Variants in MYBPC1 observed in about 807,000 individuals in gnomAD.
The protein encoded by MYBPC1 is myosin binding protein C1.
MYBPC1 carries 52 observed loss-of-function variants against 147.1 expected under a neutral mutation model. The ratio of observed to expected loss-of-function variants is 0.35; its 90% CI spans 0.28 to 0.45. The LOEUF is 0.45. Ranked by LOEUF, MYBPC1 falls within the 20% of genes least tolerant of loss-of-function variation. The pLI is 1.00. For missense variants in MYBPC1, 1,228 were observed against 1,440.3 expected, an observed-to-expected ratio of 0.85 and a Z score of 2.39; for synonymous variants, 477 against 475.9, an observed-to-expected ratio of 1.00 and a Z score of -0.03.
chr12:101,663,908 G>A lies in MYBPC1; in HGVS notation c.2356+348G>A, dbSNP rs112838859. 1.9e-3 allele frequency among the ~76,000 whole-genome samples: 293 copies of A among 152,296 alleles called. 5 individuals are homozygous for A. The highest frequency in any genetic ancestry group is 6.7e-3 in the African/African-American group (280 of 41,572). The stretch of plus-strand genomic sequence containing the variant: ...TAAAAGTCTAGTTATGATGAAGCCA[G>A]TTGGAAATTCTAAAACCTATAATGA... On this transcript the variant is annotated intron_variant, in intron 22 of 31. Coordinates refer to ENST00000361466, the MANE Select transcript of MYBPC1 (RefSeq NM_002465.4).
downstream of MYBPC1, among the ~76,000 whole-genome samples, chr12:101,688,486 C>T (rs920280110): frequency 3.3e-4 from 50 of 152,172 alleles, no homozygotes; most frequent in African/African-American, 1.2e-3. Context: ...TGAATGTTCT[C>T]ATCTAAATTA....
At chr12:101,664,634 G>T (rs2136516222) in intron 22 of MYBPC1, 1 of 152,352 alleles carries the variant, frequency 6.6e-6, no homozygotes, top group South Asian at 2.1e-4. Context: ...TGCCTGGATT[G>T]GGGCACCTGT....
chr12:101,624,506 G>C (rs1888103053), intron 3 of MYBPC1, among the ~76,000 whole-genome samples: 1 of 151,622 alleles, frequency 6.6e-6, no homozygotes, highest in East Asian at 1.9e-4. Flanking sequence ...TTTGTTTTTA[G>C]AGTCAGGGTC....
At chr12:101,627,994 A>G in intron 5 of MYBPC1, 190 bp downstream of exon 5, 1 of 650,066 alleles carries the variant, frequency 1.5e-6, no homozygotes, top group Non-Finnish European at 2.6e-6. Flanking sequence ...CATGATACAC[A>G]CGCATTCAAG....
At chr12:101,653,081 T>A in intron 17 of MYBPC1, 34 bp from the exon 18 acceptor site, 1 of 1,603,536 alleles carries the variant, frequency 6.2e-7, no homozygotes. Flanking sequence ...CAGAAATGAC[T>A]GTCTGATAAC....
At chr12:101,638,230 A>G (rs749572572) in intron 10 of MYBPC1, among the ~76,000 whole-genome samples, 2 of 152,216 alleles carry the variant, frequency 1.3e-5, no homozygotes, top group Non-Finnish European at 2.9e-5. Context: ...TCATTTACTC[A>G]GTCAGGAAAA....
chr12:101,631,919 A>G lies in MYBPC1; in HGVS notation c.439-102A>G, dbSNP rs567051664. ...ACACATTTGCCCTCCTATAGTGAGAACATTGTACTGGAATTCCCACAGACA... is the reference window on the plus strand; with the variant it reads ...ACACATTTGCCCTCCTATAGTGAGAGCATTGTACTGGAATTCCCACAGACA... On this transcript the variant is annotated intron_variant, in intron 7 of 31. Transcript: ENST00000361466. 1.1e-4 allele frequency: 138 copies of G among 1,307,532 alleles called. No individual in the cohort carries two copies. In the African/African-American group the frequency reaches 1.9e-3, roughly 18 times the overall value. 81.0% of individuals were successfully genotyped at this position (1,307,532 alleles called of 1,614,324 possible). A position where few individuals can be genotyped will look rare whatever the true frequency, so the allele number is the denominator to read the frequency against.
chr12:101,691,690 T>C, the MYBPC1 span, among the ~76,000 whole-genome samples: 2 of 152,342 alleles, frequency 1.3e-5, no homozygotes, highest in South Asian at 2.1e-4. Context: ...AAATGTAAGA[T>C]GTTACCATAG....
intron 10 of MYBPC1, among the ~76,000 whole-genome samples, chr12:101,639,811 A>G (rs1054332374): frequency 6.6e-6 from 1 of 151,974 alleles, no homozygotes; most frequent in Non-Finnish European, 1.5e-5. Context: ...ATCCTCCGCC[A>G]ATGTCAGGAG....
At chr12:101,625,843 T>A (rs1225980018) in intron 3 of MYBPC1, among the ~76,000 whole-genome samples, 2 of 152,042 alleles carry the variant, frequency 1.3e-5, no homozygotes, top group Non-Finnish European at 2.9e-5. Flanking sequence ...CCCAGCACTT[T>A]GGGAGGCCGA....
Position 101,651,216 on chromosome 12 carries a change from C to A in MYBPC1, c.1364-15C>A. 2 of 1,613,982 alleles carry A rather than the reference C, an allele frequency of 1.2e-6. No individual in the cohort carries two copies. The highest frequency in any genetic ancestry group is 2.2e-5 in the South Asian group (2 of 91,048). On this transcript the variant is annotated splice_polypyrimidine_tract_variant and intron_variant, in intron 15 of 31. Transcript: ENST00000361466. Reference sequence around the variant, plus strand: ...GTTTGGGCTTGGCATTTGTGATGGTCTATCATTTCTACAGTGAAACCTCTG... The same window carrying A: ...GTTTGGGCTTGGCATTTGTGATGGTATATCATTTCTACAGTGAAACCTCTG...
chr12:101,631,147 TAA>T (rs1219965293), intron 6 of MYBPC1, among the ~76,000 whole-genome samples: 1 of 152,140 alleles, frequency 6.6e-6, no homozygotes, highest in Non-Finnish European at 1.5e-5. Flanking sequence ...CCTTGCCTAA[TAA>T]AAAGAGTGAA....
intron 3 of MYBPC1, among the ~76,000 whole-genome samples, chr12:101,621,579 T>A (rs1887401792): frequency 6.6e-6 from 1 of 152,224 alleles, no homozygotes; most frequent in Admixed American, 6.5e-5. Flanking sequence ...TTTGTCTCAG[T>A]CAAACAAGGT....
intron 1 of MYBPC1, among the ~76,000 whole-genome samples, chr12:101,599,647 T>A (rs1879011800): frequency 6.6e-6 from 1 of 152,134 alleles, no homozygotes; most frequent in South Asian, 2.1e-4. Flanking sequence ...TACCTCAAAT[T>A]GGGGAAAGGT....
At chr12:101,642,397 G>C (rs750250541) in intron 10 of MYBPC1, 22 bp from the exon 11 acceptor site, 3 of 1,613,728 alleles carry the variant, frequency 1.9e-6, no homozygotes, top group Non-Finnish European at 2.5e-6. Context: ...TACTAAACTA[G>C]ACCATGGTTC....
downstream of MYBPC1, among the ~76,000 whole-genome samples, chr12:101,689,019 A>G (rs937513681): frequency 2.0e-5 from 3 of 152,060 alleles, no homozygotes; most frequent in Admixed American, 1.3e-4. Context: ...TTTATAATGT[A>G]TAAGACTAGT....
At chr12:101,598,245 G>T (rs374807917) in intron 1 of MYBPC1, among the ~76,000 whole-genome samples, 2 of 152,076 alleles carry the variant, frequency 1.3e-5, no homozygotes, top group East Asian at 3.9e-4. Flanking sequence ...GTCTCGAACC[G>T]CTGACCTCAG....
rs755331179 is a variant in MYBPC1, at chr12:101,642,458, A to G, written c.705A>G (p.Val235=). 1 of 1,614,130 alleles carries G rather than the reference A, an allele frequency of 6.2e-7. No homozygotes were observed. Among genetic ancestry groups the G allele is most frequent in the South Asian group, 1.1e-5 (1 of 90,992 alleles). The change falls in exon 11 of 32, where the codon GTA becomes GTG. Residue 235 remains valine, a synonymous_variant. Transcript: ENST00000361466. The part of the protein sequence containing the change: ...KQQEEEPQVD[V]WELLKNAKPS... ...AGGAGGAAGAACCCCAGGTGGACGT[A>G]TGGGAGTTGCTGAAGAACGCGAAAC... is the stretch of plus-strand genomic sequence containing the variant.
intron 23 of MYBPC1, among the ~76,000 whole-genome samples, chr12:101,668,603 G>C (rs1897939571): frequency 6.6e-6 from 1 of 152,038 alleles, no homozygotes; most frequent in Admixed American, 6.5e-5. Flanking sequence ...TGGGATTATA[G>C]ACATGCACCA....
Sources: gnomAD v4.1 joint callset for allele counts (sites outside exome capture counted in the v4.1 genomes callset) on GRCh38, gnomAD v4.1.1 for gene constraint, MANE v1.5 for transcripts, NCBI Gene and HGNC (gene_info 2026-07-23, HGNC 2026-07-21) for gene names.